Variants in MTA3 observed in about 807,000 individuals in gnomAD.
The protein encoded by MTA3 is metastasis-associated protein MTA3.
MTA3 carries 34 observed loss-of-function variants against 83.5 expected under a neutral mutation model. That is an observed-to-expected ratio of 0.41 (90% CI 0.31 to 0.54). The LOEUF (loss-of-function observed/expected upper bound fraction) is 0.54, where lower values mean the gene tolerates loss of function less well. Among genes scored for constraint, MTA3 ranks in the 20% least tolerant of loss-of-function variants. MTA3 has a pLI of 0.33. For missense variants in MTA3, 761 were observed against 726.4 expected (o/e 1.05, Z -0.55); for synonymous variants, 303 against 252.7 (o/e 1.20, Z -1.89).
intron 3 of MTA3, among the ~76,000 whole-genome samples, chr2:42,587,804 G>A (rs148085702): frequency 6.6e-6 from 1 of 152,194 alleles, no homozygotes; most frequent in African/African-American, 2.4e-5. Context: ...TTTTTGCTGT[G>A]TTGGCCAGAT....
chr2:42,504,364 C>T (rs985664186), intron 2 of MTA3, among the ~76,000 whole-genome samples: 2 of 151,918 alleles, frequency 1.3e-5, no homozygotes, highest in Admixed American at 6.6e-5. Context: ...CTCAGCCTCC[C>T]GAGTAGCTGG....
intron 2 of MTA3, among the ~76,000 whole-genome samples, chr2:42,496,604 C>T (rs1309243048): frequency 9.9e-6 from 1 of 100,572 alleles, no homozygotes; most frequent in Non-Finnish European, 2.0e-5. Flanking sequence ...GTTTCAGAAC[C>T]TAGGAAAAAA....
chr2:42,516,234 T>A (rs1172629190), intron 2 of MTA3, among the ~76,000 whole-genome samples: 1 of 152,172 alleles, frequency 6.6e-6, no homozygotes, highest in Non-Finnish European at 1.5e-5. Flanking sequence ...TTTTAAAAGC[T>A]GTTTCTGTAA....
chr2:42,561,618 C>T (rs772730892), intron 2 of MTA3, among the ~76,000 whole-genome samples: 6 of 152,142 alleles, frequency 3.9e-5, no homozygotes, highest in African/African-American at 7.2e-5. Flanking sequence ...CCACCGAGCC[C>T]GGCCCCAGGT....
At position 42,719,079 on chromosome 2, in the gene MTA3, G is replaced by C. The variant is rs1192010931; in HGVS notation, c.1612+5G>C. 2.6e-6 allele frequency: 4 copies of C among 1,543,966 alleles called. No individual in the cohort carries two copies. The African/African-American group carries it at 5.5e-5, about 21-fold the overall frequency. On this transcript the variant is annotated splice_donor_5th_base_variant and intron_variant, in intron 15 of 16. Transcript: ENST00000405094. ...CATGTATCATTGGGTATTTAGGTGGGTATTTTCTAATAGAGGAAAAACTCA... is the reference window on the plus strand; with the variant it reads ...CATGTATCATTGGGTATTTAGGTGGCTATTTTCTAATAGAGGAAAAACTCA...
At chr2:42,524,307 T>A (rs12712844) in intron 2 of MTA3, among the ~76,000 whole-genome samples, 73,502 of 150,004 alleles carry the variant, frequency 0.49, 18,160 homozygotes, top group African/African-American at 0.54. Flanking sequence ...TATTATTATT[T>A]TTTTTTTTTT....
chr2:42,659,946 C>T (rs996884255), intron 8 of MTA3, 84 bp downstream of exon 8: 173 of 1,075,120 alleles, frequency 1.6e-4, no homozygotes, highest in Middle Eastern at 6.6e-4. Flanking sequence ...TACTGTAGAC[C>T]GGGAGCTTTT....
At chr2:42,696,123 C>T (rs561236710) in intron 10 of MTA3, among the ~76,000 whole-genome samples, 12 of 152,070 alleles carry the variant, frequency 7.9e-5, no homozygotes, top group Non-Finnish European at 1.3e-4. Flanking sequence ...TAGTTCATGG[C>T]AATGATCAAA....
chr2:42,566,068 T>C (rs1206133006), upstream of MTA3, among the ~76,000 whole-genome samples: 1 of 152,164 alleles, frequency 6.6e-6, no homozygotes, highest in African/African-American at 2.4e-5. Context: ...AGTAGTCATA[T>C]TTTGTAACCC....
intron 3 of MTA3, among the ~76,000 whole-genome samples, chr2:42,593,417 G>GTTA (rs1681284552): frequency 6.6e-6 from 1 of 152,044 alleles, no homozygotes; most frequent in Admixed American, 6.5e-5. Context: ...TATGTCAAGT[G>GTTA]TTAGTACTGT....
At chr2:42,752,683 G>A (rs1482323376) in intron 16 of MTA3, among the ~76,000 whole-genome samples, 1 of 152,082 alleles carries the variant, frequency 6.6e-6, no homozygotes, top group African/African-American at 2.4e-5. Context: ...GATTAATTAT[G>A]ATGAGCTCAG....
Position 42,570,835 on chromosome 2 carries a change from A to G in MTA3, c.96+331A>G, listed in dbSNP as rs1172889637. Among the ~76,000 whole-genome samples the G allele has an allele frequency of 2.6e-5, 4 of 151,524 alleles. No homozygotes were observed. The East Asian group carries it at 7.7e-4, about 29-fold the overall frequency. ...AGACCAGCCTGACCAACATGGAGAAACCCCGTCTGTACTAAAAATACAAAA... is the reference window on the plus strand; with the variant it reads ...AGACCAGCCTGACCAACATGGAGAAGCCCCGTCTGTACTAAAAATACAAAA... On this transcript the variant is annotated intron_variant, in intron 2 of 16. Coordinates refer to ENST00000405094, the MANE Select transcript of MTA3 (RefSeq NM_001330442.2).
At chr2:42,563,776 A>ATTCCCTCCTTCC (rs1677772585), upstream of MTA3, among the ~76,000 whole-genome samples, 2 of 114,378 alleles carry the variant, frequency 1.7e-5, no homozygotes, top group Non-Finnish European at 3.6e-5. Context: ...TGGACCAAAC[A>ATTCCCTCCTTCC]TTCCTTCCTT....
rs1403044742 is a variant in MTA3 at position 42,636,016 on chromosome 2, G to A, written c.318-4157G>A. ...ATACCTGAGCTCAGGCAATCTGCCC[G>A]CCTCAGCCTTATAGAATGCTAGGAT... On this transcript the variant is annotated intron_variant, in intron 4 of 16. Transcript: ENST00000405094. 2.6e-5 allele frequency among the ~76,000 whole-genome samples: 4 copies of A among 152,074 alleles called. No individual in the cohort carries two copies. The East Asian group carries it at 7.7e-4, about 29-fold the overall frequency.
In MTA3 at chr2:42,638,393, TC is replaced by T. The variant is rs1687387758; in HGVS notation, c.318-1779del. The stretch of plus-strand genomic sequence containing the variant: ...AACATGTCAGATAATTGTTACCTTT[TC>T]TTTTTTTTTTTTGAGACAGGGTCTT... On this transcript the variant is annotated intron_variant, in intron 4 of 16. Transcript: ENST00000405094. Among the ~76,000 whole-genome samples, 5 of 152,022 alleles carry T rather than the reference TC, an allele frequency of 3.3e-5. No homozygotes were observed. The South Asian group carries it at 8.3e-4, about 25-fold the overall frequency.
intron 2 of MTA3, among the ~76,000 whole-genome samples, chr2:42,517,962 G>C (rs929217860): frequency 2.0e-5 from 3 of 151,950 alleles, no homozygotes; most frequent in African/African-American, 7.3e-5. Context: ...AAAGTGGGCA[G>C]ATCACCTGAG....
intron 4 of MTA3, among the ~76,000 whole-genome samples, chr2:42,636,811 G>C (rs1018585770): frequency 3.3e-5 from 5 of 151,788 alleles, no homozygotes; most frequent in African/African-American, 1.2e-4. Context: ...GTTTTTAGTA[G>C]AGACAGGGCT....
intron 4 of MTA3, among the ~76,000 whole-genome samples, chr2:42,627,234 T>C (rs1686193990): frequency 1.3e-5 from 2 of 152,070 alleles, no homozygotes; most frequent in Non-Finnish European, 2.9e-5. Flanking sequence ...CTGGCCACCA[T>C]GCCCAGCTAA....
At chr2:42,753,031 C>G (rs1670000624) in intron 16 of MTA3, among the ~76,000 whole-genome samples, 1 of 151,798 alleles carries the variant, frequency 6.6e-6, no homozygotes, top group African/African-American at 2.4e-5. Flanking sequence ...CTCAAGCAGT[C>G]CTCCCCCCTC....
Sources: allele counts gnomAD v4.1 joint callset (sites outside exome capture counted in the v4.1 genomes callset), GRCh38; gene constraint gnomAD v4.1.1; transcripts MANE v1.5; gene names NCBI Gene and HGNC (gene_info 2026-07-23, HGNC 2026-07-21).